Variants in DTWD2 observed in about 807,000 individuals in gnomAD.
DTWD2 encodes the protein tRNA-uridine aminocarboxypropyltransferase 2.
In DTWD2, 39 loss-of-function variants were observed where a neutral mutation model predicts 31.8. That is an observed-to-expected ratio of 1.22 (90% CI 0.95 to 1.60). The LOEUF is 1.60. Ranked by LOEUF, DTWD2 falls within the 40% of genes most tolerant of loss-of-function variation. DTWD2 has a pLI of 0.00. For synonymous variants in DTWD2, 180 were observed against 142.8 expected, an observed-to-expected ratio of 1.26 and a Z score of -1.86; for missense variants, 515 against 381.5, an observed-to-expected ratio of 1.35 and a Z score of -2.92.
chr5:118,881,408 T>C (rs1013585119), intron 4 of DTWD2, among the ~76,000 whole-genome samples: 24 of 152,214 alleles, frequency 1.6e-4, no homozygotes, highest in Admixed American at 1.3e-3. Flanking sequence ...ACATGGCTTA[T>C]ATGAGTATTA....
Position 118,837,763 on chromosome 5 carries a change from T to C in DTWD2, c.*3154A>G, listed in dbSNP as rs1190260653. 1 of 151,906 alleles carries C rather than the reference T, an allele frequency of 6.6e-6. No homozygotes were observed. The highest frequency in any genetic ancestry group is 2.4e-5 in the African/African-American group (1 of 41,348). The allele number at this position is 151,906 out of a possible 1,614,324, so 9.4% of individuals were successfully genotyped here. On this transcript the variant is annotated 3_prime_UTR_variant, in exon 6 of 6. Coordinates refer to ENST00000510708, the MANE Select transcript of DTWD2 (RefSeq NM_173666.4). ...CAAAAATTAAATGAAATTAGTAAAA[T>C]TTAAAATTAGCTGAGTGTGGTGGCA...
chr5:118,900,833 G>T (rs1192089657), intron 4 of DTWD2, among the ~76,000 whole-genome samples: 1 of 151,970 alleles, frequency 6.6e-6, no homozygotes, highest in East Asian at 1.9e-4. Flanking sequence ...GCTGAGGCAG[G>T]AGAATGGGGT....
chr5:118,860,907 T>G (rs78639003), intron 4 of DTWD2, among the ~76,000 whole-genome samples: 3,255 of 152,288 alleles, frequency 0.021, 57 homozygotes, highest in Non-Finnish European at 0.026. Flanking sequence ...CGCAAATTTT[T>G]TTCCTGGTTT....
At position 118,838,938 on chromosome 5, in the gene DTWD2, A is replaced by C. The variant is rs1382597162; in HGVS notation, c.*1979T>G. 6.6e-6 allele frequency: 1 copy of C among 152,166 alleles called. No individual in the cohort carries two copies. The highest frequency in any genetic ancestry group is 2.4e-5 in the African/African-American group (1 of 41,440). 9.4% of individuals were successfully genotyped at this position (152,166 alleles called of 1,614,324 possible). On this transcript the variant is annotated 3_prime_UTR_variant, in exon 6 of 6. Transcript: ENST00000510708. ...AGCACTTTTGGAGGCCAAGGCAGAC[A>C]GATCACGAGGTCAGGAGATCGAGAC...
intron 1 of DTWD2, among the ~76,000 whole-genome samples, chr5:118,957,806 G>T (rs2442123): frequency 0.7 from 106,527 of 151,916 alleles, 37,800 homozygotes; most frequent in East Asian, 0.99. Context: ...AATCTCACCC[G>T]AAATATATAT....
chr5:118,977,644 C>A (rs991406231), intron 1 of DTWD2, among the ~76,000 whole-genome samples: 9 of 152,112 alleles, frequency 5.9e-5, no homozygotes, highest in African/African-American at 2.2e-4. Flanking sequence ...AGTGAAGGAC[C>A]TCTTTAAGGA....
At chr5:118,873,490 T>C (rs1169110575) in intron 4 of DTWD2, among the ~76,000 whole-genome samples, 1 of 152,172 alleles carries the variant, frequency 6.6e-6, no homozygotes, top group African/African-American at 2.4e-5. Flanking sequence ...CAGCCATACA[T>C]CAGCCTGCAT....
At chr5:118,977,789 A>G (rs1755199564) in intron 1 of DTWD2, among the ~76,000 whole-genome samples, 1 of 152,248 alleles carries the variant, frequency 6.6e-6, no homozygotes, top group Admixed American at 6.5e-5. Flanking sequence ...TGCTATTCCA[A>G]TTAAACTACC....
chr5:118,869,218 T>C (rs1309909629), intron 4 of DTWD2, among the ~76,000 whole-genome samples: 2 of 152,198 alleles, frequency 1.3e-5, no homozygotes, highest in Non-Finnish European at 2.9e-5. Context: ...TTTATATGTG[T>C]ATTTTACCAC....
At chr5:118,944,958 T>C (rs1754299324) in intron 1 of DTWD2, among the ~76,000 whole-genome samples, 1 of 152,218 alleles carries the variant, frequency 6.6e-6, no homozygotes, top group Admixed American at 6.5e-5. Flanking sequence ...ATGACACTTC[T>C]GATTTGCATT....
intron 1 of DTWD2, among the ~76,000 whole-genome samples, chr5:118,983,169 A>G (rs1237712534): frequency 6.6e-6 from 1 of 152,182 alleles, no homozygotes; most frequent in African/African-American, 2.4e-5. Context: ...ATAAATGCCT[A>G]TAGGGGGCCA....
rs929024144 is a variant in DTWD2, at chr5:118,837,137, T to C, written c.*3780A>G. Among the ~76,000 whole-genome samples the C allele has an allele frequency of 6.6e-6, 1 of 151,976 alleles. No individual in the cohort carries two copies. The highest frequency in any genetic ancestry group is 2.4e-5 in the African/African-American group (1 of 41,380). On this transcript the variant is annotated 3_prime_UTR_variant, in exon 6 of 6. Transcript: ENST00000510708. ...ATAGTATAAAAGGGAAGGGGAACAA[T>C]GTAGGTGATGAAAGAGGGAGAGGAA...
chr5:118,945,127 C>A (rs963816011), intron 1 of DTWD2, among the ~76,000 whole-genome samples: 1 of 152,154 alleles, frequency 6.6e-6, no homozygotes, highest in South Asian at 2.1e-4. Flanking sequence ...AGAGAACTTA[C>A]CAATTGTGAG....
chr5:118,852,166 A>G (rs115558590), intron 4 of DTWD2, among the ~76,000 whole-genome samples: 76 of 152,234 alleles, frequency 5.0e-4, no homozygotes, highest in Non-Finnish European at 9.1e-4. Context: ...TTTTTGCCCA[A>G]CCCGGGAAGC....
At position 118,944,990 on chromosome 5, in the gene DTWD2, T is replaced by C. The variant is rs146454711; in HGVS notation, c.219-341A>G. ...CATTCCAAATCAAAAAGAGATCTCA[T>C]ATCAAAGAGAAACCTGGCAACTCTT... is the stretch of plus-strand genomic sequence containing the variant. On this transcript the variant is annotated intron_variant, in intron 1 of 5. Transcript: ENST00000510708. 2.1e-3 allele frequency among the ~76,000 whole-genome samples: 317 copies of C among 152,308 alleles called. 1 individual carries two copies. Among genetic ancestry groups the C allele is most frequent in the Middle Eastern group, 6.8e-3 (2 of 294 alleles).
intron 1 of DTWD2, among the ~76,000 whole-genome samples, chr5:118,964,781 G>A (rs896188038): frequency 3.3e-5 from 5 of 152,072 alleles, no homozygotes; most frequent in Non-Finnish European, 7.4e-5. Context: ...GCGTGATCTC[G>A]GCTCGCTACA....
intron 1 of DTWD2, among the ~76,000 whole-genome samples, chr5:118,985,579 A>C (rs748112801): frequency 1.3e-5 from 2 of 148,750 alleles, no homozygotes; most frequent in Non-Finnish European, 1.5e-5. Context: ...AACAAAATTA[A>C]AGACTCTAGT....
Position 118,882,141 on chromosome 5 carries a change from A to G in DTWD2, c.598-33923T>C, listed in dbSNP as rs150716500. 7.2e-3 allele frequency among the ~76,000 whole-genome samples: 1,094 copies of G among 152,334 alleles called. 8 individuals are homozygous for G. The highest frequency in any genetic ancestry group is 0.014 in the Middle Eastern group (4 of 294). On this transcript the variant is annotated intron_variant, in intron 4 of 5. Coordinates refer to ENST00000510708, the MANE Select transcript of DTWD2 (RefSeq NM_173666.4). ...CATTGGGTAAATGTTCCCATCCCAA[A>G]TGGGAGAAATTGGCCAAAACAAAGG...
chr5:118,859,698 GAT>G (rs1561429715), intron 4 of DTWD2, among the ~76,000 whole-genome samples: 1 of 152,126 alleles, frequency 6.6e-6, no homozygotes, highest in Admixed American at 6.5e-5. Context: ...TGTGTAATAA[GAT>G]AAGCTTATAG....
Sources: gnomAD v4.1 joint callset for allele counts (sites outside exome capture counted in the v4.1 genomes callset) on GRCh38, gnomAD v4.1.1 for gene constraint, MANE v1.5 for transcripts, NCBI Gene and HGNC (gene_info 2026-07-23, HGNC 2026-07-21) for gene names.